Variants in LRRC4C observed in about 807,000 individuals in gnomAD.
LRRC4C encodes the protein leucine rich repeat containing 4C, also known as leucine-rich repeat-containing protein 4C.
A neutral mutation model predicts 33.6 loss-of-function variants in LRRC4C; 5 were observed. The ratio of observed to expected loss-of-function variants is 0.15; its 90% CI spans 0.08 to 0.31. The LOEUF (loss-of-function observed/expected upper bound fraction) is 0.31. LRRC4C is among the 10% of genes least tolerant of loss of function. The pLI is 1.00. For synonymous variants in LRRC4C, 329 were observed against 302.0 expected (o/e 1.09, Z -0.93); for missense variants, 560 against 796.7 (o/e 0.70, Z 3.58).
At chr11:40,693,646 C>T (rs1478841774) in intron 2 of LRRC4C, among the ~76,000 whole-genome samples, 1 of 152,052 alleles carries the variant, frequency 6.6e-6, no homozygotes, top group Non-Finnish European at 1.5e-5. Flanking sequence ...AAACAAGACT[C>T]TCTTGTCAAG....
intron 1 of LRRC4C, among the ~76,000 whole-genome samples, chr11:41,062,287 C>A (rs1041617032): frequency 6.6e-6 from 1 of 152,126 alleles, no homozygotes; most frequent in Non-Finnish European, 1.5e-5. Flanking sequence ...GTGTTGTTCA[C>A]CTATATGCAA....
chr11:40,438,363 A>T (rs1386256651), intron 3 of LRRC4C, among the ~76,000 whole-genome samples: 1 of 152,202 alleles, frequency 6.6e-6, no homozygotes, highest in Non-Finnish European at 1.5e-5. Flanking sequence ...AAACAATAAC[A>T]AAAAACTATA....
At chr11:40,431,936 C>T (rs1168710460) in intron 3 of LRRC4C, among the ~76,000 whole-genome samples, 1 of 152,130 alleles carries the variant, frequency 6.6e-6, no homozygotes, top group Non-Finnish European at 1.5e-5. Context: ...CAGGCTAGTT[C>T]CAAAGATTTA....
intron 1 of LRRC4C, among the ~76,000 whole-genome samples, chr11:41,159,127 A>G (rs1435018857): frequency 6.6e-6 from 1 of 152,076 alleles, no homozygotes; most frequent in Non-Finnish European, 1.5e-5. Context: ...TTCTACAAAA[A>G]TAATTTAGAA....
intron 1 of LRRC4C, among the ~76,000 whole-genome samples, chr11:41,300,805 G>A (rs559409913): frequency 6.6e-6 from 1 of 152,182 alleles, no homozygotes; most frequent in African/African-American, 2.4e-5. Context: ...GCCCTTGAAA[G>A]CCCCAGTATA....
At chr11:41,421,172 T>C (rs1954860724) in intron 1 of LRRC4C, among the ~76,000 whole-genome samples, 1 of 152,056 alleles carries the variant, frequency 6.6e-6, no homozygotes, top group Non-Finnish European at 1.5e-5. Context: ...GGTTAATGAT[T>C]CACAGTAAGC....
intron 1 of LRRC4C, among the ~76,000 whole-genome samples, chr11:41,086,161 G>A (rs1331643260): frequency 2.0e-5 from 3 of 152,006 alleles, no homozygotes; most frequent in African/African-American, 7.2e-5. Context: ...AATAAAGCAT[G>A]TGCTTCCACT....
intron 1 of LRRC4C, among the ~76,000 whole-genome samples, chr11:41,017,720 T>C (rs1251291236): frequency 6.6e-6 from 1 of 151,152 alleles, no homozygotes; most frequent in East Asian, 1.9e-4. Flanking sequence ...GAGACATTAT[T>C]AAGTGCTCTA....
chr11:41,411,518 A>G (rs187927106), intron 1 of LRRC4C, among the ~76,000 whole-genome samples: 39 of 152,230 alleles, frequency 2.6e-4, no homozygotes, highest in African/African-American at 8.9e-4. Context: ...AAAATAGAAC[A>G]TAACTTTAGG....
chr11:40,757,799 C>A (rs1949024271), intron 2 of LRRC4C, among the ~76,000 whole-genome samples: 1 of 151,770 alleles, frequency 6.6e-6, no homozygotes, highest in Non-Finnish European at 1.5e-5. Context: ...TTTTCCTGTC[C>A]CAAAGGGTAA....
intron 5 of LRRC4C, among the ~76,000 whole-genome samples, chr11:40,187,334 T>TC (rs796224978): frequency 3.3e-5 from 5 of 152,100 alleles, no homozygotes; most frequent in African/African-American, 9.6e-5. Flanking sequence ...TTTCTTTTTT[T>TC]TTTTTTTGAG....
intron 6 of LRRC4C, among the ~76,000 whole-genome samples, chr11:40,128,601 A>G (rs1380676796): frequency 6.6e-6 from 1 of 152,088 alleles, no homozygotes; most frequent in African/African-American, 2.4e-5. Flanking sequence ...TTTTAGAACA[A>G]AATGCAAACT....
chr11:40,500,149 A>C (rs1478239417), intron 3 of LRRC4C, among the ~76,000 whole-genome samples: 1 of 151,942 alleles, frequency 6.6e-6, no homozygotes, highest in East Asian at 1.9e-4. Context: ...TAGGTACGTA[A>C]CTGGGGATGA....
intron 1 of LRRC4C, among the ~76,000 whole-genome samples, chr11:41,065,491 C>T (rs1938161017): frequency 1.3e-5 from 2 of 152,142 alleles, no homozygotes; most frequent in African/African-American, 4.8e-5. Context: ...CTTAATCTTT[C>T]CTGCCCACGG....
At chr11:40,508,545 T>C (rs1250261193) in intron 3 of LRRC4C, among the ~76,000 whole-genome samples, 1 of 152,144 alleles carries the variant, frequency 6.6e-6, no homozygotes, top group African/African-American at 2.4e-5. Context: ...CAGGCCAGAA[T>C]GAAATAATAG....
chr11:40,350,617 A>G (rs1056953861), intron 3 of LRRC4C, among the ~76,000 whole-genome samples: 23 of 152,018 alleles, frequency 1.5e-4, no homozygotes, highest in Admixed American at 1.2e-3. Context: ...TATTTTTCAT[A>G]TTTCTATGAA....
intron 1 of LRRC4C, among the ~76,000 whole-genome samples, chr11:40,956,007 C>T (rs1193443554): frequency 6.6e-6 from 1 of 151,788 alleles, no homozygotes; most frequent in African/African-American, 2.4e-5. Flanking sequence ...TTGACAGAGC[C>T]CTTAAGCCAA....
chr11:41,197,483 AT>A (rs1438634158), intron 1 of LRRC4C, among the ~76,000 whole-genome samples: 2 of 152,016 alleles, frequency 1.3e-5, no homozygotes, highest in Admixed American at 1.3e-4. Flanking sequence ...TCTCTAGAGG[AT>A]TTGCAGGTGT....
At chr11:40,770,501 A>C in intron 2 of LRRC4C, among the ~76,000 whole-genome samples, 1 of 152,024 alleles carries the variant, frequency 6.6e-6, no homozygotes, top group East Asian at 1.9e-4. Context: ...TCCCTCCCAA[A>C]CCTCATGTTT....
Sources: allele counts gnomAD v4.1 joint callset (sites outside exome capture counted in the v4.1 genomes callset), GRCh38; gene constraint gnomAD v4.1.1; transcripts MANE v1.5; gene names NCBI Gene and HGNC (gene_info 2026-07-23, HGNC 2026-07-21).